Variants in GP2 observed in about 807,000 individuals in gnomAD.
GP2 encodes the protein pancreatic secretory granule membrane major glycoprotein GP2.
In GP2, 58 loss-of-function variants were observed where a neutral mutation model predicts 60.8. The ratio of observed to expected loss-of-function variants is 0.95; its 90% CI spans 0.77 to 1.19. GP2 has a LOEUF of 1.19. Ranked by LOEUF, GP2 falls within the 50% of genes most tolerant of loss-of-function variation. GP2 has a pLI of 0.00. For missense variants in GP2, 647 were observed against 667.4 expected, an observed-to-expected ratio of 0.97 and a Z score of 0.34; for synonymous variants, 280 against 253.4, an observed-to-expected ratio of 1.10 and a Z score of -1.00.
chr16:20,320,205 T>C, intron 5 of GP2, 57 bp downstream of exon 5: 2 of 1,244,192 alleles, frequency 1.6e-6, no homozygotes, highest in Non-Finnish European at 2.4e-6. Context: ...GCTACTATGA[T>C]AGGTCCCATC....
intron 4 of GP2, among the ~76,000 whole-genome samples, chr16:20,322,478 G>T (rs113083140): frequency 6.6e-6 from 1 of 152,112 alleles, no homozygotes; most frequent in Admixed American, 6.5e-5. Context: ...TTACAGATGA[G>T]GATATTCAGG....
chr16:20,319,901 CAAGGGA>C, intron 5 of GP2, 133 bp from the exon 6 acceptor site: 1 of 724,360 alleles, frequency 1.4e-6, no homozygotes, highest in Non-Finnish European at 2.4e-6. Context: ...TCATGGAGGT[CAAGGGA>C]CCTCTTCCTT....
At position 20,312,562 on chromosome 16, in the gene GP2, A is replaced by T. The variant is rs183027782; in HGVS notation, c.1547-1281T>A. Among the ~76,000 whole-genome samples, 92 of 152,264 alleles carry T rather than the reference A, an allele frequency of 6.0e-4. 1 individual carries two copies. Among genetic ancestry groups the T allele is most frequent in the Non-Finnish European group, 1.0e-4 (7 of 68,028 alleles). The stretch of plus-strand genomic sequence containing the variant: ...CATTCTAGAAATTAGTCAATTTGGC[A>T]AACTCTACTGGGAAACCACACTGTT... On this transcript the variant is annotated intron_variant, in intron 10 of 10. Coordinates refer to ENST00000302555, the MANE Select transcript of GP2 (RefSeq NM_001502.4).
At position 20,318,421 on chromosome 16, in the gene GP2, G is replaced by A. The variant is rs141956527; in HGVS notation, c.1017C>T (p.Asn339=). Residue 339 remains asparagine (N), a synonymous_variant, in exon 7 of 11, where the codon AAC becomes AAT. Coordinates refer to ENST00000302555, the MANE Select transcript of GP2 (RefSeq NM_001502.4). ...ACTCTCCATTCCCGTCCACACTGAC[G>A]TTCAGGGAACTGAGAAAAAGAAAGC... The part of the protein sequence containing the change: ...AALQPIVSSL[N]VSVDGNGEFI... 350 of 1,612,886 alleles carry A rather than the reference G, an allele frequency of 2.2e-4. 4 individuals carry two copies. The African/African-American group carries it at 2.6e-3, about 12-fold the overall frequency.
At chr16:20,311,327 C>T (rs1365394033) in intron 10 of GP2, 46 bp from the exon 11 acceptor site, 1 of 1,165,284 alleles carries the variant, frequency 8.6e-7, no homozygotes, top group Admixed American at 1.7e-5. Context: ...CTTTGGGAGT[C>T]AGGAGCAAAC....
chr16:20,315,763 T>C (rs748779277), intron 9 of GP2, among the ~76,000 whole-genome samples, 193 bp downstream of exon 9: 35 of 152,184 alleles, frequency 2.3e-4, no homozygotes, highest in Non-Finnish European at 4.4e-4. Context: ...TAGCCTGGTC[T>C]CTAAGCACAC....
intron 1 of GP2, 85 bp from the exon 2 acceptor site, chr16:20,326,552 C>A (rs1740173855): frequency 1.8e-6 from 2 of 1,101,226 alleles, no homozygotes; most frequent in African/African-American, 3.1e-5. Flanking sequence ...TCATAAAGAG[C>A]TGCATTGTTT....
At chr16:20,315,767 A>G (rs768505716) in intron 9 of GP2, among the ~76,000 whole-genome samples, 189 bp downstream of exon 9, 35 of 152,206 alleles carry the variant, frequency 2.3e-4, no homozygotes, top group Non-Finnish European at 4.4e-4. Context: ...CTGGTCTCTA[A>G]GCACACAGGA....
chr16:20,317,498 G>T, intron 7 of GP2, 123 bp from the exon 8 acceptor site: 2 of 715,398 alleles, frequency 2.8e-6, no homozygotes, highest in African/African-American at 1.8e-5. Context: ...TTTCCTCCAA[G>T]ATGTTATCCA....
At chr16:20,327,177 C>T (rs1021838109) in intron 1 of GP2, 1 of 263,456 alleles carries the variant, frequency 3.8e-6, no homozygotes, top group African/African-American at 2.2e-5. Context: ...TAGGGAAGCA[C>T]CCAGGATTGG....
At chr16:20,318,001 A>T (rs1964237851) in intron 7 of GP2, among the ~76,000 whole-genome samples, 184 bp downstream of exon 7, 2 of 152,196 alleles carry the variant, frequency 1.3e-5, no homozygotes, top group Admixed American at 6.5e-5. Flanking sequence ...ATTGACATTT[A>T]TTTACCCTGC....
At chr16:20,320,542 T>TAAC in intron 4 of GP2, 69 bp from the exon 5 acceptor site, 1 of 994,478 alleles carries the variant, frequency 1.0e-6, no homozygotes, top group South Asian at 1.4e-5. Flanking sequence ...TACTCTTTGG[T>TAAC]AACATCTCCA....
chr16:20,324,681 A>C (rs1264191311), intron 2 of GP2, among the ~76,000 whole-genome samples: 1 of 152,216 alleles, frequency 6.6e-6, no homozygotes, highest in Non-Finnish European at 1.5e-5. Context: ...AGTAACAATA[A>C]ATTTGTAATA....
intron 2 of GP2, chr16:20,326,107 AT>A: frequency 1.8e-6 from 1 of 554,308 alleles, no homozygotes; most frequent in Non-Finnish European, 3.2e-6. Context: ...ATGGGAAATT[AT>A]GTTAACTGGC....
chr16:20,319,214 C>G (rs1567288923), intron 6 of GP2, among the ~76,000 whole-genome samples: 1 of 152,140 alleles, frequency 6.6e-6, no homozygotes, highest in South Asian at 2.1e-4. Context: ...AACCCCTGTT[C>G]CCTGCTCCCA....
chr16:20,319,227 G>A (rs560366541), intron 6 of GP2, among the ~76,000 whole-genome samples: 5 of 152,148 alleles, frequency 3.3e-5, no homozygotes, highest in Admixed American at 6.5e-5. Flanking sequence ...TGCTCCCAAA[G>A]CACCCCACAT....
intron 9 of GP2, among the ~76,000 whole-genome samples, chr16:20,315,394 G>A (rs1289684080): frequency 6.6e-6 from 1 of 152,182 alleles, no homozygotes; most frequent in African/African-American, 2.4e-5. Context: ...GTAAACCCAT[G>A]AGTAGGATGG....
intron 6 of GP2, among the ~76,000 whole-genome samples, chr16:20,319,329 A>G (rs549229038): frequency 1.3e-5 from 2 of 152,352 alleles, no homozygotes; most frequent in South Asian, 4.1e-4. Context: ...TGAACTTTGA[A>G]CTTGTCCTGT....
chr16:20,316,092 A>T, intron 8 of GP2, 52 bp from the exon 9 acceptor site: 1 of 1,161,330 alleles, frequency 8.6e-7, no homozygotes. Flanking sequence ...CCTGGATTCT[A>T]TCTAGACTGC....
Sources: allele counts gnomAD v4.1 joint callset (sites outside exome capture counted in the v4.1 genomes callset), GRCh38; gene constraint gnomAD v4.1.1; transcripts MANE v1.5; gene names NCBI Gene and HGNC (gene_info 2026-07-23, HGNC 2026-07-21).